DCUN1D5: variants seen among roughly 807,000 people sequenced by gnomAD.
DCUN1D5 encodes DCN1-like protein 5.
A neutral mutation model predicts 38.3 loss-of-function variants in DCUN1D5; 10 were observed. The ratio of observed to expected loss-of-function variants is 0.26; its 90% CI spans 0.16 to 0.44. The LOEUF is 0.44. DCUN1D5 is among the 20% of genes least tolerant of loss of function. The pLI is 1.00. For synonymous variants in DCUN1D5, 93 were observed against 90.9 expected (o/e 1.02, Z -0.13); for missense variants, 148 against 275.3 (o/e 0.54, Z 3.27).
At position 103,056,242 on chromosome 11, in the gene DCUN1D5, C is replaced by T. The variant is rs1054723070; in HGVS notation, c.*6117G>A. Among the ~76,000 whole-genome samples the T allele has an allele frequency of 6.6e-6, 1 of 152,172 alleles. No individual in the cohort carries two copies. The highest frequency in any genetic ancestry group is 1.5e-5 in the Non-Finnish European group (1 of 68,028). ...CTTGAGAAAGGGCTATAATGCCCTA[C>T]GTAATTACCTACAATCAGGCAGGAT... On this transcript the variant is annotated 3_prime_UTR_variant, in exon 8 of 8. Coordinates refer to ENST00000260247, the MANE Select transcript of DCUN1D5 (RefSeq NM_032299.4). This position sits in a 1 kb window ranked among gnomAD's most constrained non-coding sequence, Gnocchi z 4.9.
At chr11:103,075,062 G>T (rs1420295189) in intron 4 of DCUN1D5, among the ~76,000 whole-genome samples, 1 of 152,196 alleles carries the variant, frequency 6.6e-6, no homozygotes, top group Non-Finnish European at 1.5e-5. Context: ...ACAGAAGATG[G>T]AGGACGAGGA....
In DCUN1D5 at chr11:103,062,350, T is replaced by A. The variant is rs761545567; in HGVS notation, c.*9A>T. 1.2e-5 allele frequency: 20 copies of A among 1,613,324 alleles called. No individual in the cohort carries two copies. In the East Asian group the frequency reaches 4.5e-4, roughly 36 times the overall value. On this transcript the variant is annotated 3_prime_UTR_variant, in exon 8 of 8. Transcript: ENST00000260247. This position sits in a 1 kb window ranked among gnomAD's most constrained non-coding sequence, Gnocchi z 4.6. ...TTGAAAGGTTTGCATTTTCTTCACA[T>A]AGTTCTTGCTATGATGTCTGACGGA...
rs1027153448 is a variant in DCUN1D5, at chr11:103,071,941, T to G, written c.342-5374A>C. Among the ~76,000 whole-genome samples, 12 of 151,474 alleles carry G rather than the reference T, an allele frequency of 7.9e-5. No homozygotes were observed. Among genetic ancestry groups the G allele is most frequent in the Non-Finnish European group, 1.6e-4 (11 of 67,832 alleles). ...TTTATTTAATAAAGCCAGTATTACT[T>G]GATACCAAAACCAGGCAAATACAAA... On this transcript the variant is annotated intron_variant, in intron 4 of 7. Coordinates refer to ENST00000260247, the MANE Select transcript of DCUN1D5 (RefSeq NM_032299.4). This position sits in a 1 kb window ranked among gnomAD's most constrained non-coding sequence, Gnocchi z 4.1.
Position 103,086,507 on chromosome 11 carries a change from C to G in DCUN1D5, c.178+2720G>C, listed in dbSNP as rs986861996. 2.6e-5 allele frequency among the ~76,000 whole-genome samples: 4 copies of G among 152,200 alleles called. No individual in the cohort carries two copies. The highest frequency in any genetic ancestry group is 9.7e-5 in the African/African-American group (4 of 41,450). The stretch of plus-strand genomic sequence containing the variant: ...GCACAAAGTGGTCTCCACAGAGAGG[C>G]CTTCCCTAATCACTCTATCTGAAAG... On this transcript the variant is annotated intron_variant, in intron 2 of 7. Transcript: ENST00000260247. The surrounding 1 kb of genome is among the most constrained non-coding windows in gnomAD (Gnocchi z 4.1).
At chr11:103,076,617 G>A (rs1362801512) in intron 4 of DCUN1D5, among the ~76,000 whole-genome samples, 3 of 152,222 alleles carry the variant, frequency 2.0e-5, no homozygotes, top group Admixed American at 6.5e-5. Flanking sequence ...TTTTTAAAAC[G>A]ACGATAATAA....
chr11:103,078,319 C>T lies in DCUN1D5; in HGVS notation c.341+4429G>A, dbSNP rs1319474661. Among the ~76,000 whole-genome samples, 3 of 152,352 alleles carry T rather than the reference C, an allele frequency of 2.0e-5. No individual in the cohort carries two copies. The highest frequency in any genetic ancestry group is 1.9e-4 in the East Asian group (1 of 5,184). On this transcript the variant is annotated intron_variant, in intron 4 of 7. Coordinates refer to ENST00000260247, the MANE Select transcript of DCUN1D5 (RefSeq NM_032299.4). This position sits in a 1 kb window ranked among gnomAD's most constrained non-coding sequence, Gnocchi z 4.6. ...ATGAGAAAAGACCTCCACTCTAGTACACTATGCCAGAACAAAAACTCGCCA... is the reference window on the plus strand; with the variant it reads ...ATGAGAAAAGACCTCCACTCTAGTATACTATGCCAGAACAAAAACTCGCCA...
rs1861850191 is a variant in DCUN1D5 at position 103,055,415 on chromosome 11, G to A, written c.*6944C>T. On this transcript the variant is annotated 3_prime_UTR_variant, in exon 8 of 8. Coordinates refer to ENST00000260247, the MANE Select transcript of DCUN1D5 (RefSeq NM_032299.4). ...TAGCAATTTCCAACAATGAGAAAAA[G>A]AAACTAGCACTCCAGATGTTGTTAT... is the stretch of plus-strand genomic sequence containing the variant. The A allele has an allele frequency of 6.6e-6, 1 of 152,090 alleles. No individual in the cohort carries two copies. Among genetic ancestry groups the A allele is most frequent in the African/African-American group, 2.4e-5 (1 of 41,424 alleles). The allele number at this position is 152,090 out of a possible 1,614,324, so 9.4% of individuals were successfully genotyped here.
Position 103,061,512 on chromosome 11 carries a change from T to C in DCUN1D5, c.*847A>G. 6.6e-6 allele frequency among the ~76,000 whole-genome samples: 1 copy of C among 151,584 alleles called. No homozygotes were observed. The highest frequency in any genetic ancestry group is 6.6e-5 in the Admixed American group (1 of 15,196). On this transcript the variant is annotated 3_prime_UTR_variant, in exon 8 of 8. Transcript: ENST00000260247. ...TGTGCACAATTAATTATACCCAGAGTTCTCTCATGATTCCTTATTCTATTG... is the reference window on the plus strand; with the variant it reads ...TGTGCACAATTAATTATACCCAGAGCTCTCTCATGATTCCTTATTCTATTG...
rs1861957812 is a variant in DCUN1D5, at chr11:103,059,495, C to T, written c.*2864G>A. Among the ~76,000 whole-genome samples, 1 of 152,106 alleles carries T rather than the reference C, an allele frequency of 6.6e-6. No individual in the cohort carries two copies. The highest frequency in any genetic ancestry group is 1.5e-5 in the Non-Finnish European group (1 of 68,016). On this transcript the variant is annotated 3_prime_UTR_variant, in exon 8 of 8. Transcript: ENST00000260247. ...GTTCAAGAAACACTAATCTAGAGTG[C>T]TTCTGAGTAAAAACCAATAAAATCT...
Position 103,057,954 on chromosome 11 carries a change from T to C in DCUN1D5, c.*4405A>G, listed in dbSNP as rs1179873492. Among the ~76,000 whole-genome samples, 1 of 152,056 alleles carries C rather than the reference T, an allele frequency of 6.6e-6. No individual in the cohort carries two copies. Among genetic ancestry groups the C allele is most frequent in the Non-Finnish European group, 1.5e-5 (1 of 68,020 alleles). ...AAAAACACCCCAGAAGGATAAAACTTCTAAAAAATGATATAATTTGGGGGA... is the reference window on the plus strand; with the variant it reads ...AAAAACACCCCAGAAGGATAAAACTCCTAAAAAATGATATAATTTGGGGGA... On this transcript the variant is annotated 3_prime_UTR_variant, in exon 8 of 8. Transcript: ENST00000260247. This position sits in a 1 kb window ranked among gnomAD's most constrained non-coding sequence, Gnocchi z 4.8.
In DCUN1D5 at chr11:103,062,365, T is replaced by C. The variant is rs758256400; in HGVS notation, c.708A>G (p.Thr236=). The change falls in exon 8 of 8, where the codon ACA becomes ACG. Residue 236 remains threonine (T), a synonymous_variant. Coordinates refer to ENST00000260247, the MANE Select transcript of DCUN1D5 (RefSeq NM_032299.4). The surrounding 1 kb of genome is among the most constrained non-coding windows in gnomAD (Gnocchi z 4.6). ...EFVEWQKVRQ[T]S The stretch of plus-strand genomic sequence containing the variant: ...TTTCTTCACATAGTTCTTGCTATGA[T>C]GTCTGACGGACTTTTTGCCACTCAA... 3 of 1,613,636 alleles carry C rather than the reference T, an allele frequency of 1.9e-6. No homozygotes were observed. The highest frequency in any genetic ancestry group is 2.5e-6 in the Non-Finnish European group (3 of 1,179,616).
rs557596421 is a variant in DCUN1D5, at chr11:103,057,691, T to C, written c.*4668A>G. ...GCTGAGACCGCACCACTGCACTCCATCCTGGGTGACAGAGTAAGACCCTGT... is the reference window on the plus strand; with the variant it reads ...GCTGAGACCGCACCACTGCACTCCACCCTGGGTGACAGAGTAAGACCCTGT... On this transcript the variant is annotated 3_prime_UTR_variant, in exon 8 of 8. Transcript: ENST00000260247. This position sits in a 1 kb window ranked among gnomAD's most constrained non-coding sequence, Gnocchi z 4.8. Among the ~76,000 whole-genome samples the C allele has an allele frequency of 1.3e-5, 2 of 151,510 alleles. No homozygotes were observed. The highest frequency in any genetic ancestry group is 2.4e-5 in the African/African-American group (1 of 41,306).
intron 3 of DCUN1D5, 119 bp from the exon 4 acceptor site, chr11:103,082,958 C>T: frequency 1.4e-6 from 1 of 735,944 alleles, no homozygotes; most frequent in Non-Finnish European, 2.3e-6. Flanking sequence ...TTAAAGAGTA[C>T]AACCTCTGGA....
chr11:103,060,287 T>C lies in DCUN1D5; in HGVS notation c.*2072A>G, dbSNP rs1180353422. Among the ~76,000 whole-genome samples the C allele has an allele frequency of 6.6e-6, 1 of 152,148 alleles. No individual in the cohort carries two copies. The highest frequency in any genetic ancestry group is 1.5e-5 in the Non-Finnish European group (1 of 68,000). On this transcript the variant is annotated 3_prime_UTR_variant, in exon 8 of 8. Transcript: ENST00000260247. ...GTTGACTTTAAGGGAAAAAATAAAG[T>C]AAATTTCATTTTCAGACTCAAAAAG...
In DCUN1D5 at chr11:103,063,136, A is replaced by C. The variant is rs963962993; in HGVS notation, c.659-722T>G. Among the ~76,000 whole-genome samples the C allele has an allele frequency of 6.6e-6, 1 of 152,156 alleles. No individual in the cohort carries two copies. Among genetic ancestry groups the C allele is most frequent in the African/African-American group, 2.4e-5 (1 of 41,460 alleles). On this transcript the variant is annotated intron_variant, in intron 7 of 7. Coordinates refer to ENST00000260247, the MANE Select transcript of DCUN1D5 (RefSeq NM_032299.4). This position sits in a 1 kb window ranked among gnomAD's most constrained non-coding sequence, Gnocchi z 4.6. ...TCTATCGTAAGAAAAGCAGCAGAGCACATATGATAATAAATGGCAACTGAA... is the reference window on the plus strand; with the variant it reads ...TCTATCGTAAGAAAAGCAGCAGAGCCCATATGATAATAAATGGCAACTGAA...
rs1363273304 is a variant in DCUN1D5, at chr11:103,078,120, A to G, written c.341+4628T>C. On this transcript the variant is annotated intron_variant, in intron 4 of 7. Coordinates refer to ENST00000260247, the MANE Select transcript of DCUN1D5 (RefSeq NM_032299.4). This position sits in a 1 kb window ranked among gnomAD's most constrained non-coding sequence, Gnocchi z 4.6. ...GGGGCTCAATAGAGACTAGATTTAC[A>G]AACTGCAACCTACCGGCAGGCAGCT... 6.6e-6 allele frequency among the ~76,000 whole-genome samples: 1 copy of G among 152,210 alleles called. No homozygotes were observed. The highest frequency in any genetic ancestry group is 1.5e-5 in the Non-Finnish European group (1 of 68,046).
At position 103,062,289 on chromosome 11, in the gene DCUN1D5, T is replaced by TC. The variant is rs899160871; in HGVS notation, c.*69dup. On this transcript the variant is annotated 3_prime_UTR_variant, in exon 8 of 8. Transcript: ENST00000260247. This position sits in a 1 kb window ranked among gnomAD's most constrained non-coding sequence, Gnocchi z 4.6. The stretch of plus-strand genomic sequence containing the variant: ...TGAAAATGCACCCGTTGGATTTTTT[T>TC]CCCCCTCATCACATTAGCTTGTATA... The TC allele has an allele frequency of 6.9e-7, 1 of 1,442,064 alleles. No individual in the cohort carries two copies. The highest frequency in any genetic ancestry group is 9.7e-7 in the Non-Finnish European group (1 of 1,034,410). 89.3% of individuals were successfully genotyped at this position (1,442,064 alleles called of 1,614,324 possible).
chr11:103,063,592 G>A lies in DCUN1D5; in HGVS notation c.658+683C>T, dbSNP rs112832351. ...AGTTTATAGGAATGTACCTTTCCTT[G>A]TAACCCTTCTGAACACTGAAAACAC... On this transcript the variant is annotated intron_variant, in intron 7 of 7. Coordinates refer to ENST00000260247, the MANE Select transcript of DCUN1D5 (RefSeq NM_032299.4). The surrounding 1 kb of genome is among the most constrained non-coding windows in gnomAD (Gnocchi z 4.6). Among the ~76,000 whole-genome samples, 7,081 of 152,112 alleles carry A rather than the reference G, an allele frequency of 0.047. 236 individuals carry two copies. The highest frequency in any genetic ancestry group is 0.069 in the Non-Finnish European group (4,661 of 67,924).
Position 103,077,007 on chromosome 11 carries a change from G to C in DCUN1D5, c.341+5741C>G, listed in dbSNP as rs1220723848. ...AGGTCAGGAGATCAAGACCATCCCG[G>C]CTAACATGGTGAAACCCCGTCTCTA... On this transcript the variant is annotated intron_variant, in intron 4 of 7. Transcript: ENST00000260247. This position sits in a 1 kb window ranked among gnomAD's most constrained non-coding sequence, Gnocchi z 4.3. Among the ~76,000 whole-genome samples, 2 of 152,124 alleles carry C rather than the reference G, an allele frequency of 1.3e-5. No homozygotes were observed. Among genetic ancestry groups the C allele is most frequent in the Non-Finnish European group, 2.9e-5 (2 of 68,024 alleles).
Sources: gnomAD v4.1 joint callset for allele counts (sites outside exome capture counted in the v4.1 genomes callset) on GRCh38, gnomAD v4.1.1 for gene constraint, Gnocchi (gnomAD v3.1) non-coding constraint, MANE v1.5 for transcripts, NCBI Gene and HGNC (gene_info 2026-07-23, HGNC 2026-07-21) for gene names.